Variants in LPP observed in about 807,000 individuals in gnomAD.
The protein encoded by LPP is lipoma-preferred partner.
Under a neutral mutation model 60.4 loss-of-function variants are expected in LPP, and 38 were observed. That is an observed-to-expected ratio of 0.63 (90% confidence interval 0.49 to 0.83). The LOEUF (loss-of-function observed/expected upper bound fraction) is 0.83. Among genes scored for constraint, LPP ranks in the 40% least tolerant of loss-of-function variants. The pLI is 0.00. For synonymous variants in LPP, 328 were observed against 290.8 expected (o/e 1.13, Z -1.30); for missense variants, 902 against 783.6 (o/e 1.15, Z -1.80).
At chr3:188,616,150 G>A (rs545340129) in intron 7 of LPP, among the ~76,000 whole-genome samples, 32 of 152,152 alleles carry the variant, frequency 2.1e-4, no homozygotes, top group African/African-American at 5.1e-4. Context: ...TCATGAAGCC[G>A]TTGCCCATGC....
At chr3:188,437,552 T>G (rs2149220257) in intron 4 of LPP, among the ~76,000 whole-genome samples, 1 of 152,356 alleles carries the variant, frequency 6.6e-6, no homozygotes, top group South Asian at 2.1e-4. Context: ...CCATTTTCTC[T>G]GTACTCTTTT....
chr3:188,322,845 G>T (rs529216527), intron 2 of LPP, among the ~76,000 whole-genome samples: 80 of 152,322 alleles, frequency 5.3e-4, no homozygotes, highest in African/African-American at 1.8e-3. Flanking sequence ...ATATGTTAAT[G>T]TATGTGGGAT....
chr3:188,510,741 T>G (rs1237597529), intron 5 of LPP, among the ~76,000 whole-genome samples: 3 of 152,246 alleles, frequency 2.0e-5, no homozygotes, highest in Non-Finnish European at 4.4e-5. Flanking sequence ...GTTTGCCAAG[T>G]ACACTTGCAC....
chr3:188,282,616 T>C (rs1231295764), intron 2 of LPP, among the ~76,000 whole-genome samples: 2 of 152,180 alleles, frequency 1.3e-5, no homozygotes, highest in Non-Finnish European at 2.9e-5. Context: ...CCTACACTCA[T>C]GATTTCAGGC....
chr3:188,746,427 T>G, intron 8 of LPP: 1 of 475,374 alleles, frequency 2.1e-6, no homozygotes, highest in Non-Finnish European at 4.2e-6. Flanking sequence ...TGTGCACAGT[T>G]TTGTTTCAGA....
chr3:188,793,284 C>T (rs145679430), intron 9 of LPP, among the ~76,000 whole-genome samples: 94 of 151,572 alleles, frequency 6.2e-4, no homozygotes, highest in South Asian at 1.7e-3. Context: ...TGAGCTCAAG[C>T]GATTCTCCTG....
intron 8 of LPP, among the ~76,000 whole-genome samples, chr3:188,753,234 T>C (rs1276946611): frequency 6.6e-6 from 1 of 152,222 alleles, no homozygotes; most frequent in Non-Finnish European, 1.5e-5. Flanking sequence ...AAAAAATGTA[T>C]GTGAAATGCT....
chr3:188,296,899 T>C (rs1364684733), intron 2 of LPP, among the ~76,000 whole-genome samples: 1 of 152,154 alleles, frequency 6.6e-6, no homozygotes, highest in East Asian at 1.9e-4. Flanking sequence ...AATAATTGGG[T>C]AACTCTCTGC....
intron 4 of LPP, among the ~76,000 whole-genome samples, chr3:188,415,076 G>A (rs922290049): frequency 4.6e-5 from 7 of 151,976 alleles, no homozygotes; most frequent in Admixed American, 4.6e-4. Context: ...TTCTTGTATG[G>A]TTCAAAAACA....
At chr3:188,461,176 C>T (rs766191754) in intron 4 of LPP, among the ~76,000 whole-genome samples, 87 of 152,212 alleles carry the variant, frequency 5.7e-4, no homozygotes, top group Admixed American at 1.6e-3. Flanking sequence ...TGAGCTCCTT[C>T]CCACTGGAGG....
At chr3:188,625,474 G>T (rs901220894) in intron 7 of LPP, among the ~76,000 whole-genome samples, 2 of 152,092 alleles carry the variant, frequency 1.3e-5, no homozygotes, top group Admixed American at 6.5e-5. Context: ...CCTCAAAAAA[G>T]AACTCACTGA....
intron 1 of LPP, among the ~76,000 whole-genome samples, chr3:188,203,541 A>T (rs1732074115): frequency 1.1e-5 from 1 of 90,852 alleles, no homozygotes; most frequent in Non-Finnish European, 1.9e-5. Flanking sequence ...ATATTTAAAT[A>T]TATATATATT....
At chr3:188,859,551 T>G (rs1764681172) in intron 9 of LPP, among the ~76,000 whole-genome samples, 1 of 152,228 alleles carries the variant, frequency 6.6e-6, no homozygotes, top group South Asian at 2.1e-4. Flanking sequence ...CATCTTTATC[T>G]TCCATCTCTT....
intron 2 of LPP, among the ~76,000 whole-genome samples, chr3:188,241,632 T>C (rs1724876705): frequency 6.6e-6 from 1 of 152,210 alleles, no homozygotes; most frequent in African/African-American, 2.4e-5. Flanking sequence ...TTTCTTTTTT[T>C]CTTTTACTGA....
chr3:188,331,802 T>C (rs1378497667), intron 2 of LPP, among the ~76,000 whole-genome samples: 2 of 152,196 alleles, frequency 1.3e-5, no homozygotes, highest in South Asian at 2.1e-4. Context: ...AGCTGAGATA[T>C]GAATTCTGGT....
At chr3:188,479,686 A>G (rs1804218731) in intron 4 of LPP, among the ~76,000 whole-genome samples, 1 of 152,186 alleles carries the variant, frequency 6.6e-6, no homozygotes, top group Non-Finnish European at 1.5e-5. Context: ...CACAAATACA[A>G]TCAAGTATTA....
At chr3:188,675,617 A>G (rs553173119) in intron 7 of LPP, among the ~76,000 whole-genome samples, 1 of 152,340 alleles carries the variant, frequency 6.6e-6, no homozygotes, top group East Asian at 1.9e-4. Context: ...GAGTGGCTTT[A>G]TAGCCTTAGA....
chr3:188,822,973 G>C (rs987026951), intron 9 of LPP, among the ~76,000 whole-genome samples: 1 of 151,802 alleles, frequency 6.6e-6, no homozygotes, highest in African/African-American at 2.4e-5. Context: ...AGGTTTTTTT[G>C]TGCAAAAGCC....
chr3:188,371,042 G>A (rs1359544160), intron 3 of LPP, among the ~76,000 whole-genome samples: 1 of 152,082 alleles, frequency 6.6e-6, no homozygotes, highest in Non-Finnish European at 1.5e-5. Flanking sequence ...AACTCTTGGA[G>A]CCCAAAGAAA....
Sources: allele counts gnomAD v4.1 joint callset (sites outside exome capture counted in the v4.1 genomes callset), GRCh38; gene constraint gnomAD v4.1.1; transcripts MANE v1.5; gene names NCBI Gene and HGNC (gene_info 2026-07-23, HGNC 2026-07-21).